Variants in SDK2 observed in about 807,000 individuals in gnomAD.
SDK2 encodes the protein sidekick cell adhesion molecule 2, also known as protein sidekick-2.
SDK2 carries 105 observed loss-of-function variants against 253.9 expected under a neutral mutation model. The observed-to-expected ratio is 0.41, with a 90% CI of 0.35 to 0.49. SDK2 has a LOEUF of 0.49. Among genes scored for constraint, SDK2 ranks in the 20% least tolerant of loss-of-function variants. SDK2 has a pLI of 0.06. For synonymous variants in SDK2, 1,249 were observed against 1,234.9 expected (o/e 1.01, Z -0.24); for missense variants, 2,608 against 3,003.0 (o/e 0.87, Z 3.07).
At chr17:73,554,814 C>T (rs138601535) in intron 1 of SDK2, among the ~76,000 whole-genome samples, 1 of 152,240 alleles carries the variant, frequency 6.6e-6, no homozygotes, top group Non-Finnish European at 1.5e-5. Flanking sequence ...AGCTCTTGGG[C>T]ATCCTTTGTA....
In SDK2 at chr17:73,642,105, G is replaced by T. The variant is rs188709537; in HGVS notation, c.64+1920C>A. 6.6e-6 allele frequency among the ~76,000 whole-genome samples: 1 copy of T among 152,204 alleles called. No individual in the cohort carries two copies. The highest frequency in any genetic ancestry group is 1.5e-5 in the Non-Finnish European group (1 of 68,042). On this transcript the variant is annotated intron_variant, in intron 1 of 44. Coordinates refer to ENST00000392650, the MANE Select transcript of SDK2 (RefSeq NM_001144952.2). The surrounding 1 kb of genome is among the most constrained non-coding windows in gnomAD (Gnocchi z 4.7). ...TGCTTCTGACAGGGAAGCCCCTCCCGCAGGAGGCGCAGGGACAGGGGGCCA... is the reference window on the plus strand; with the variant it reads ...TGCTTCTGACAGGGAAGCCCCTCCCTCAGGAGGCGCAGGGACAGGGGGCCA...
intron 1 of SDK2, among the ~76,000 whole-genome samples, chr17:73,606,957 T>G (rs2045916208): frequency 6.6e-6 from 1 of 152,126 alleles, no homozygotes; most frequent in Non-Finnish European, 1.5e-5. Context: ...GGAAAAGCAT[T>G]GGAATGGCCC....
intron 24 of SDK2, among the ~76,000 whole-genome samples, 180 bp downstream of exon 24, chr17:73,397,855 C>T (rs2062984239): frequency 6.6e-6 from 1 of 152,236 alleles, no homozygotes; most frequent in Non-Finnish European, 1.5e-5. Flanking sequence ...GAGCTCCTTC[C>T]TCTCATCGGC....
At chr17:73,488,983 C>A (rs895060163) in intron 2 of SDK2, among the ~76,000 whole-genome samples, 11 of 152,196 alleles carry the variant, frequency 7.2e-5, no homozygotes, top group Admixed American at 2.6e-4. Flanking sequence ...GGTAAGCAGT[C>A]ACGAAATGTG....
rs113913187 is a variant in SDK2, at chr17:73,570,198, T to A, written c.65-62601A>T. Among the ~76,000 whole-genome samples the A allele has an allele frequency of 2.0e-5, 3 of 151,964 alleles. No homozygotes were observed. The highest frequency in any genetic ancestry group is 7.3e-5 in the African/African-American group (3 of 41,376). ...GACCACCCCAGGGGCCCAGCCTTGC[T>A]ACCTCCCCTCCCTGTTTACACCCCT... is the stretch of plus-strand genomic sequence containing the variant. On this transcript the variant is annotated intron_variant, in intron 1 of 44. Coordinates refer to ENST00000392650, the MANE Select transcript of SDK2 (RefSeq NM_001144952.2). This position sits in a 1 kb window ranked among gnomAD's most constrained non-coding sequence, Gnocchi z 4.2.
intron 1 of SDK2, among the ~76,000 whole-genome samples, chr17:73,595,612 G>A (rs1274111292): frequency 6.6e-6 from 1 of 152,178 alleles, no homozygotes; most frequent in African/African-American, 2.4e-5. Context: ...GGCAGCCTGG[G>A]GCCCAGGCCA....
At chr17:73,475,863 G>A (rs777733085) in intron 2 of SDK2, among the ~76,000 whole-genome samples, 6 of 152,146 alleles carry the variant, frequency 3.9e-5, no homozygotes, top group Non-Finnish European at 5.9e-5. Context: ...AAAAATCCCC[G>A]CACTTTGGGA....
chr17:73,413,403 T>C (rs1180131820), intron 18 of SDK2, among the ~76,000 whole-genome samples: 1 of 151,996 alleles, frequency 6.6e-6, no homozygotes, highest in Non-Finnish European at 1.5e-5. Flanking sequence ...TACAATGTGA[T>C]AGTAACAGAA....
At chr17:73,363,933 G>A (rs951061028) in intron 38 of SDK2, among the ~76,000 whole-genome samples, 4 of 151,984 alleles carry the variant, frequency 2.6e-5, no homozygotes, top group Admixed American at 6.5e-5. Context: ...TTTGCAGAAC[G>A]AGCTGCTGGC....
intron 1 of SDK2, among the ~76,000 whole-genome samples, chr17:73,574,355 T>C (rs2045428145): frequency 6.6e-6 from 1 of 152,248 alleles, no homozygotes; most frequent in South Asian, 2.1e-4. Context: ...CAGTTCCCCT[T>C]GGTTAAATTT....
At chr17:73,370,988 C>T (rs542665185) in intron 36 of SDK2, among the ~76,000 whole-genome samples, 5 of 151,876 alleles carry the variant, frequency 3.3e-5, no homozygotes, top group East Asian at 3.9e-4. Flanking sequence ...GGCTGGAACC[C>T]GGGAGGTGAA....
intron 16 of SDK2, 53 bp from the exon 17 acceptor site, chr17:73,416,045 G>A (rs1172105850): frequency 9.9e-6 from 15 of 1,515,738 alleles, no homozygotes; most frequent in Non-Finnish European, 1.2e-5. Context: ...CCTTGGCCTC[G>A]TACCCAGGAA....
intron 3 of SDK2, among the ~76,000 whole-genome samples, chr17:73,464,547 C>T (rs532558340): frequency 5.3e-5 from 8 of 152,320 alleles, no homozygotes; most frequent in South Asian, 4.1e-4. Flanking sequence ...CTTAGAATGC[C>T]GGGATCTGTC....
At chr17:73,624,725 G>A (rs1408436636) in intron 1 of SDK2, among the ~76,000 whole-genome samples, 1 of 152,156 alleles carries the variant, frequency 6.6e-6, no homozygotes, top group East Asian at 1.9e-4. Context: ...CATAAGCACC[G>A]CTCTCAGCCA....
chr17:73,438,113 A>G lies in SDK2; in HGVS notation c.767T>C (p.Val256Ala). 1 of 1,551,522 alleles carries G rather than the reference A, an allele frequency of 6.4e-7. No individual in the cohort carries two copies. Among genetic ancestry groups the G allele is most frequent in the Non-Finnish European group, 8.7e-7 (1 of 1,146,964 alleles). The change falls in exon 7 of 45, where the codon GTA becomes GCA. Residue 256 changes from valine to alanine, a missense_variant. Val to Ala is a moderately conservative substitution (Grantham distance 64). This residue lies in a region of SDK2 where 1,505 missense variants were observed against 1,859.1 expected (regional missense o/e 0.81). Transcript: ENST00000392650. Reference protein sequence around the residue: ...KLHIIWKKDGVLLSGGISDHN... With the variant: ...KLHIIWKKDGALLSGGISDHN... ...GTCACTGATGCCGCCCGACAGCAAT[A>G]CCCCGTCCTTCTTCCAAATGATATG...
At chr17:73,508,693 C>T (rs1056365187) in intron 1 of SDK2, among the ~76,000 whole-genome samples, 6 of 152,164 alleles carry the variant, frequency 3.9e-5, no homozygotes, top group African/African-American at 4.8e-5. Flanking sequence ...ACCAAGGCCT[C>T]GAGGGGTTAG....
intron 3 of SDK2, among the ~76,000 whole-genome samples, chr17:73,461,989 T>C (rs115707332): frequency 0.028 from 4,265 of 152,166 alleles, 191 homozygotes; most frequent in African/African-American, 0.093. Flanking sequence ...CATGTATGCA[T>C]GTGTCATGGG....
At chr17:73,469,992 G>GCGCGCGCGCGCGCACACA (rs1328450219) in intron 3 of SDK2, among the ~76,000 whole-genome samples, 1 of 126,184 alleles carries the variant, frequency 7.9e-6, no homozygotes, top group African/African-American at 3.1e-5. Flanking sequence ...GCGCGCGCGC[G>GCGCGCGCGCGCGCACACA]CACACACACA....
At chr17:73,630,104 G>C (rs1291296396) in intron 1 of SDK2, among the ~76,000 whole-genome samples, 1 of 152,112 alleles carries the variant, frequency 6.6e-6, no homozygotes, top group Non-Finnish European at 1.5e-5. Flanking sequence ...GGCAGAAGTA[G>C]CTCAGCTCAG....
Sources: gnomAD v4.1 joint callset for allele counts (sites outside exome capture counted in the v4.1 genomes callset) on GRCh38, gnomAD v4.1.1 for gene constraint, gnomAD v4.1.1 regional missense constraint, Gnocchi (gnomAD v3.1) non-coding constraint, MANE v1.5 for transcripts, NCBI Gene and HGNC (gene_info 2026-07-23, HGNC 2026-07-21) for gene names.